Variants in NLGN1 observed in about 807,000 individuals in gnomAD.
NLGN1 encodes neuroligin 1, also known as neuroligin-1.
Under a neutral mutation model 65.5 loss-of-function variants are expected in NLGN1, and 12 were observed. The ratio of observed to expected loss-of-function variants is 0.18; its 90% CI spans 0.12 to 0.30. The LOEUF is 0.30. Ranked by LOEUF, NLGN1 falls within the 10% of genes least tolerant of loss-of-function variation. The pLI is 1.00. For synonymous variants in NLGN1, 350 were observed against 359.5 expected (o/e 0.97, Z 0.30); for missense variants, 750 against 1,007.1 (o/e 0.74, Z 3.46).
In NLGN1 at chr3:174,280,534, A is replaced by G. The variant is rs1218099827; in HGVS notation, c.1703A>G (p.Asn568Ser). 2.5e-6 allele frequency: 4 copies of G among 1,612,690 alleles called. No individual in the cohort carries two copies. Among genetic ancestry groups the G allele is most frequent in the Non-Finnish European group, 3.4e-6 (4 of 1,179,318 alleles). The change falls in exon 7 of 7, where the codon AAC becomes AGC. Residue 568 changes from asparagine (N) to serine (S), a missense_variant. Physicochemically the swap from Asn to Ser is conservative, Grantham distance 46. Transcript: ENST00000457714. This position sits in a 1 kb window ranked among gnomAD's most constrained non-coding sequence, Gnocchi z 4.9. ...ACGAAATTCATTCATACCAAACCCA[A>G]CCGTTTTGAAGAAGTAGCATGGACC... is the stretch of plus-strand genomic sequence containing the variant.
chr3:174,280,701 T>G lies in NLGN1; in HGVS notation c.1870T>G (p.Ser624Ala), dbSNP rs185383694. The G allele has an allele frequency of 3.0e-5, 48 of 1,613,342 alleles. No homozygotes were observed. The African/African-American group carries it at 5.2e-4, about 17-fold the overall frequency. The change falls in exon 7 of 7, where the codon TCT becomes GCT. Residue 624 changes from serine (S) to alanine (A), a missense_variant. Transcript: ENST00000457714. The surrounding 1 kb of genome is among the most constrained non-coding windows in gnomAD (Gnocchi z 4.9). ...TCTCAATGACATTTCTCAGTATACC[T>G]CTACAACAACTAAAGTGCCATCAAC... is the stretch of plus-strand genomic sequence containing the variant.
rs538126485 is a variant in NLGN1, at chr3:174,248,140, A to G, written c.647-27175A>G. Among the ~76,000 whole-genome samples, 17 of 152,286 alleles carry G rather than the reference A, an allele frequency of 1.1e-4. No homozygotes were observed. The East Asian group carries it at 3.1e-3, about 28-fold the overall frequency. ...AGCTAGATGATAGAAAAGTAAAGGG[A>G]CATGTAGAGAGGATTACAGTGCTCA... On this transcript the variant is annotated intron_variant, in intron 4 of 6. Coordinates refer to ENST00000457714, the Ensembl canonical transcript of NLGN1.
At chr3:173,608,550 T>A (rs1380437407) in intron 3 of NLGN1, among the ~76,000 whole-genome samples, 1 of 151,890 alleles carries the variant, frequency 6.6e-6, no homozygotes, top group Admixed American at 6.6e-5. Context: ...TTTTAAACTT[T>A]TTATCTCTAT....
chr3:174,192,112 G>A (rs1408043168), intron 4 of NLGN1, among the ~76,000 whole-genome samples: 2 of 151,762 alleles, frequency 1.3e-5, no homozygotes, highest in Non-Finnish European at 2.9e-5. Context: ...TATATTTCCG[G>A]ATAGCCAGGG....
At chr3:174,267,751 C>CTCTT (rs1748558338) in intron 4 of NLGN1, among the ~76,000 whole-genome samples, 1 of 152,110 alleles carries the variant, frequency 6.6e-6, no homozygotes, top group Admixed American at 6.6e-5. Flanking sequence ...ACACATAGAC[C>CTCTT]TCTTTCATTT....
intron 4 of NLGN1, among the ~76,000 whole-genome samples, chr3:174,196,324 C>T (rs1463838754): frequency 1.3e-5 from 2 of 151,364 alleles, no homozygotes; most frequent in Admixed American, 6.6e-5. Flanking sequence ...CTCTTTTTTT[C>T]GCTGCATTGA....
At chr3:173,629,990 G>A (rs1028218283) in intron 3 of NLGN1, among the ~76,000 whole-genome samples, 3 of 152,108 alleles carry the variant, frequency 2.0e-5, no homozygotes, top group African/African-American at 7.2e-5. Context: ...AGAGGACAAG[G>A]GGTTATTTGA....
intron 4 of NLGN1, among the ~76,000 whole-genome samples, chr3:174,035,719 G>A (rs1484369104): frequency 6.6e-6 from 1 of 152,168 alleles, no homozygotes; most frequent in East Asian, 1.9e-4. Context: ...GCTTCATGTT[G>A]CCGATCTGGC....
At chr3:174,224,610 A>C (rs1360106709) in intron 4 of NLGN1, among the ~76,000 whole-genome samples, 1 of 152,142 alleles carries the variant, frequency 6.6e-6, no homozygotes, top group Non-Finnish European at 1.5e-5. Context: ...GAGGCAGGAG[A>C]ATCGCTTGAA....
At chr3:173,605,184 G>A in intron 3 of NLGN1, 93 bp downstream of exon 2, 2 of 1,045,880 alleles carry the variant, frequency 1.9e-6, no homozygotes, top group Non-Finnish European at 2.7e-6. Context: ...CTGGTAGTAT[G>A]CATGGCTTTT....
intron 4 of NLGN1, among the ~76,000 whole-genome samples, chr3:174,234,954 CCTT>C (rs2152822207): frequency 7.6e-6 from 1 of 130,852 alleles, no homozygotes; most frequent in South Asian, 2.5e-4. Context: ...TATATATCAT[CCTT>C]CTGAGCTTTG....
chr3:174,000,783 T>C (rs1486135434), intron 4 of NLGN1, among the ~76,000 whole-genome samples: 2 of 152,158 alleles, frequency 1.3e-5, no homozygotes, highest in Non-Finnish European at 2.9e-5. Flanking sequence ...ATACATGAAA[T>C]GAAGAGAGAA....
chr3:173,883,101 A>G (rs1046144354), intron 4 of NLGN1, among the ~76,000 whole-genome samples: 4 of 150,042 alleles, frequency 2.7e-5, no homozygotes, highest in African/African-American at 4.9e-5. Context: ...CAAGAGATCT[A>G]GCTTTCACCC....
intron 4 of NLGN1, among the ~76,000 whole-genome samples, chr3:174,194,547 T>G (rs1228901553): frequency 1.3e-5 from 2 of 152,008 alleles, no homozygotes; most frequent in East Asian, 3.9e-4. Flanking sequence ...GATATTTAGA[T>G]TATAGTCTAA....
chr3:173,615,887 C>CT (rs5854522), intron 3 of NLGN1, among the ~76,000 whole-genome samples: 141,613 of 151,970 alleles, frequency 0.93, 66,015 homozygotes, highest in South Asian at 0.97. Flanking sequence ...TGTTCTAGGG[C>CT]TTTTTCTCAC....
chr3:173,636,981 C>A (rs1262219251), intron 3 of NLGN1, among the ~76,000 whole-genome samples: 2 of 152,120 alleles, frequency 1.3e-5, no homozygotes, highest in African/African-American at 4.8e-5. Flanking sequence ...CAGCTGTTAA[C>A]TTTATTGTGC....
intron 3 of NLGN1, among the ~76,000 whole-genome samples, chr3:173,803,138 G>C (rs1418777980): frequency 2.6e-5 from 4 of 152,094 alleles, no homozygotes; most frequent in Non-Finnish European, 5.9e-5. Context: ...ACCAGGCCTG[G>C]CAGAATTGTA....
At chr3:173,455,098 A>G (rs1408312680) in intron 2 of NLGN1, among the ~76,000 whole-genome samples, 1 of 152,204 alleles carries the variant, frequency 6.6e-6, no homozygotes, top group Non-Finnish European at 1.5e-5. Flanking sequence ...CTCCAAAACA[A>G]TTACAAAAGT....
chr3:173,793,164 A>T (rs1713189069), intron 3 of NLGN1, among the ~76,000 whole-genome samples: 1 of 152,146 alleles, frequency 6.6e-6, no homozygotes, highest in African/African-American at 2.4e-5. Flanking sequence ...CCCATTGAAT[A>T]CAAAATGGAT....
Sources: gnomAD v4.1 joint callset for allele counts (sites outside exome capture counted in the v4.1 genomes callset) on GRCh38, gnomAD v4.1.1 for gene constraint, Gnocchi (gnomAD v3.1) non-coding constraint, MANE v1.5 for transcripts, NCBI Gene and HGNC (gene_info 2026-07-23, HGNC 2026-07-21) for gene names.